The following GPC5 variants were observed in gnomAD, a reference collection of about 807,000 sequenced individuals.
GPC5 encodes glypican 5.
GPC5 carries 47 observed loss-of-function variants against 53.9 expected under a neutral mutation model. The ratio of observed to expected loss-of-function variants is 0.87; its 90% confidence interval spans 0.69 to 1.11. The LOEUF (loss-of-function observed/expected upper bound fraction) is 1.11. Ranked by LOEUF, GPC5 falls within the 50% of genes most tolerant of loss-of-function variation. The pLI is 0.00. For missense variants in GPC5, 748 were observed against 713.1 expected, an observed-to-expected ratio of 1.05 and a Z score of -0.56; for synonymous variants, 286 against 263.3, an observed-to-expected ratio of 1.09 and a Z score of -0.84.
At chr13:91,644,836 GC>G (rs1185490599) in intron 2 of GPC5, among the ~76,000 whole-genome samples, 1 of 152,102 alleles carries the variant, frequency 6.6e-6, no homozygotes, top group Non-Finnish European at 1.5e-5. Context: ...AAAAGTCATG[GC>G]AAAAAGCACT....
At position 92,669,769 on chromosome 13, in the gene GPC5, G is replaced by T. The variant is rs574606933; in HGVS notation, c.1562-196513G>T. ...TTAGCCTACACTCATTCCTCAGAGA[G>T]AACAGATCCTTCCTAACTCAGAATT... On this transcript the variant is annotated intron_variant, in intron 7 of 7. Transcript: ENST00000377067. 9.9e-4 allele frequency among the ~76,000 whole-genome samples: 151 copies of T among 152,240 alleles called. 1 individual carries two copies. The highest frequency in any genetic ancestry group is 3.3e-3 in the African/African-American group (139 of 41,546).
intron 2 of GPC5, among the ~76,000 whole-genome samples, chr13:91,540,888 A>C (rs1200730859): frequency 6.6e-6 from 1 of 152,126 alleles, no homozygotes; most frequent in African/African-American, 2.4e-5. Context: ...AAAGACATAC[A>C]GAAAAAAAAA....
At chr13:91,564,517 G>A (rs1414717) in intron 2 of GPC5, among the ~76,000 whole-genome samples, 2,611 of 152,218 alleles carry the variant, frequency 0.017, 73 homozygotes, top group African/African-American at 0.059. Context: ...TGTAGATAAC[G>A]ATTTAGCAAT....
intron 6 of GPC5, among the ~76,000 whole-genome samples, chr13:92,084,695 A>G (rs746430002): frequency 2.4e-4 from 37 of 152,202 alleles, no homozygotes; most frequent in Non-Finnish European, 4.9e-4. Context: ...CAGGATTAAT[A>G]TAATTTATGT....
chr13:91,464,037 T>TA (rs955599915), intron 2 of GPC5, among the ~76,000 whole-genome samples: 3 of 151,932 alleles, frequency 2.0e-5, no homozygotes, highest in South Asian at 2.1e-4. Context: ...ATTCAACAGT[T>TA]AAAAAAACCC....
chr13:92,326,743 A>G (rs180980941), intron 7 of GPC5, among the ~76,000 whole-genome samples: 14 of 152,262 alleles, frequency 9.2e-5, no homozygotes, highest in Non-Finnish European at 1.9e-4. Context: ...TAAAGGAAAC[A>G]TATTTGTCTA....
At chr13:91,992,337 G>C (rs965774410) in intron 6 of GPC5, among the ~76,000 whole-genome samples, 2 of 151,772 alleles carry the variant, frequency 1.3e-5, no homozygotes, top group African/African-American at 4.8e-5. Flanking sequence ...TGGGTCTAAG[G>C]GTTATAGTTA....
chr13:92,125,102 T>C (rs1246878311), intron 6 of GPC5, among the ~76,000 whole-genome samples: 1 of 152,196 alleles, frequency 6.6e-6, no homozygotes, highest in Non-Finnish European at 1.5e-5. Context: ...GGAGTTGCCA[T>C]GTTGTATGAT....
chr13:91,447,930 G>A (rs1880914832), intron 1 of GPC5, among the ~76,000 whole-genome samples: 1 of 151,980 alleles, frequency 6.6e-6, no homozygotes. Context: ...TCCTCTTTGG[G>A]CACTAACTCT....
At chr13:92,183,167 T>C (rs2042160054) in intron 7 of GPC5, among the ~76,000 whole-genome samples, 1 of 152,222 alleles carries the variant, frequency 6.6e-6, no homozygotes, top group Admixed American at 6.5e-5. Context: ...TTTTCCCACA[T>C]AGCCTTTCAA....
intron 2 of GPC5, among the ~76,000 whole-genome samples, chr13:91,607,606 A>G (rs1430117880): frequency 6.6e-6 from 1 of 152,238 alleles, no homozygotes; most frequent in Non-Finnish European, 1.5e-5. Context: ...TGTAAATATA[A>G]GCAAAGGTTT....
At chr13:91,631,159 G>A (rs2034148174) in intron 2 of GPC5, among the ~76,000 whole-genome samples, 1 of 152,128 alleles carries the variant, frequency 6.6e-6, no homozygotes, top group African/African-American at 2.4e-5. Flanking sequence ...TAGCCAGAAT[G>A]GGTGACTTAA....
At chr13:92,387,609 G>C (rs973479644) in intron 7 of GPC5, among the ~76,000 whole-genome samples, 2 of 152,030 alleles carry the variant, frequency 1.3e-5, no homozygotes, top group Non-Finnish European at 1.5e-5. Context: ...ATTGTATACA[G>C]AGTTACCTGT....
At chr13:92,738,233 A>G (rs1888991749) in intron 7 of GPC5, among the ~76,000 whole-genome samples, 1 of 151,886 alleles carries the variant, frequency 6.6e-6, no homozygotes, top group South Asian at 2.1e-4. Flanking sequence ...AGGAGATAAA[A>G]CTCCTACACA....
intron 7 of GPC5, among the ~76,000 whole-genome samples, chr13:92,854,926 T>C (rs1040415066): frequency 6.6e-6 from 1 of 152,166 alleles, no homozygotes; most frequent in Non-Finnish European, 1.5e-5. Context: ...TTGTTGCCTA[T>C]GCTTCTAAGA....
At chr13:91,948,814 G>C (rs1181816343) in intron 6 of GPC5, among the ~76,000 whole-genome samples, 1 of 152,220 alleles carries the variant, frequency 6.6e-6, no homozygotes, top group Non-Finnish European at 1.5e-5. Context: ...ATGCTGCAGA[G>C]TCAAAGTAAA....
intron 7 of GPC5, among the ~76,000 whole-genome samples, chr13:92,442,418 A>T (rs368446987): frequency 1.5e-3 from 221 of 152,292 alleles, no homozygotes; most frequent in African/African-American, 5.0e-3. Flanking sequence ...ATAGTACCAA[A>T]TAAGACTATA....
chr13:92,297,659 G>T (rs2043046257), intron 7 of GPC5, among the ~76,000 whole-genome samples: 1 of 152,080 alleles, frequency 6.6e-6, no homozygotes, highest in African/African-American at 2.4e-5. Context: ...ATCTAGCTCA[G>T]GGATTGTAAA....
At chr13:92,755,539 G>A (rs894447146) in intron 7 of GPC5, among the ~76,000 whole-genome samples, 1 of 151,574 alleles carries the variant, frequency 6.6e-6, no homozygotes, top group Non-Finnish European at 1.5e-5. Context: ...ATGAATCCAG[G>A]AGCTGGTTTT....
Sources: allele counts gnomAD v4.1 joint callset (sites outside exome capture counted in the v4.1 genomes callset), GRCh38; gene constraint gnomAD v4.1.1; transcripts MANE v1.5; gene names NCBI Gene and HGNC (gene_info 2026-07-23, HGNC 2026-07-21).